Variants in PRICKLE3 observed in about 807,000 individuals in gnomAD.
The protein encoded by PRICKLE3 is LIM domain only protein 6.
PRICKLE3 carries 17 observed loss-of-function variants against 33.8 expected under a neutral mutation model. That is an observed-to-expected ratio of 0.50 (90% CI 0.34 to 0.75). The LOEUF is 0.75. Among genes scored for constraint, PRICKLE3 ranks in the 30% least tolerant of loss-of-function variants. The pLI, the probability that PRICKLE3 is intolerant of heterozygous loss-of-function variation, is 0.01. For missense variants in PRICKLE3, 573 were observed against 576.7 expected (o/e 0.99, Z 0.07); for synonymous variants, 211 against 219.6 (o/e 0.96, Z 0.34).
At chrX:49,176,485 A>C (rs1427433335) in intron 8 of PRICKLE3, among the ~76,000 whole-genome samples, 1 of 108,966 alleles carries the variant, frequency 9.2e-6, no homozygotes, top group Admixed American at 9.8e-5. Context: ...GCAAGATGGG[A>C]CTGGTGTGGG....
intron 7 of PRICKLE3, 91 bp from the exon 8 acceptor site, chrX:49,177,293 G>A: frequency 1.1e-6 from 1 of 946,436 alleles, no homozygotes; most frequent in Non-Finnish European, 1.4e-6. Context: ...AGAAGAGGTG[G>A]GGAATCCGAG....
intron 3 of PRICKLE3, among the ~76,000 whole-genome samples, chrX:49,182,601 G>A (rs1407887868): frequency 4.4e-5 from 5 of 112,423 alleles, no homozygotes; most frequent in African/African-American, 1.6e-4. Context: ...TGTCTGCATG[G>A]CTCACTTCTC....
chrX:49,179,198 C>A (rs1403476309), intron 5 of PRICKLE3, 53 bp downstream of exon 5: 1 of 1,181,511 alleles, frequency 8.5e-7, no homozygotes. Context: ...GTCCTGCTCC[C>A]CAGGGCTTGG....
Position 49,176,055 on chromosome X carries a change from G to A in PRICKLE3, c.1466C>T (p.Thr489Ile). The A allele has an allele frequency of 8.3e-7, 1 of 1,206,688 alleles. No homozygotes were observed. Among genetic ancestry groups the A allele is most frequent in the Non-Finnish European group, 1.1e-6 (1 of 893,278 alleles). ...PLVSEGGPRR[T>I]LSAPPAQRRR... ...GCGCTGGGCCGGGGGTGCACTCAGGGTCCGGCGCGGGCCTCCTTCAGACAC... is the reference window on the plus strand; with the variant it reads ...GCGCTGGGCCGGGGGTGCACTCAGGATCCGGCGCGGGCCTCCTTCAGACAC... The change falls in exon 9 of 9, where the codon ACC becomes ATC. Residue 489 changes from threonine (T) to isoleucine (I), a missense_variant. By Grantham distance (89) the Thr-to-Ile change is moderately conservative (BLOSUM62 -1). Transcript: ENST00000599218.
intron 5 of PRICKLE3, 87 bp downstream of exon 5, chrX:49,179,164 A>T (rs1334706172): frequency 9.1e-7 from 1 of 1,093,516 alleles, no homozygotes; most frequent in African/African-American, 1.8e-5. Flanking sequence ...GGCAGGCCTC[A>T]TCTTCCCAGT....
rs781891909 is a variant in PRICKLE3, at chrX:49,178,048, G to A, written c.900C>T (p.Cys300=). ...YVMRQSRPHC[C]ACYEARHAEY... is the part of the protein sequence containing the mutation. ...CCGCGTGGCGGGCCTCGTAGCAGGC[G>A]CAGCAGTGGGGGCGGCTCTGACGCA... The change falls in exon 7 of 9, where the codon TGC becomes TGT. Residue 300 remains cysteine, a synonymous_variant. Coordinates refer to ENST00000599218, the MANE Select transcript of PRICKLE3 (RefSeq NM_006150.5). The A allele has an allele frequency of 8.6e-6, 10 of 1,157,244 alleles. No individual in the cohort carries two copies. In the South Asian group the frequency reaches 1.4e-4, roughly 17 times the overall value.
At chrX:49,184,022 A>C in intron 2 of PRICKLE3, 105 bp from the exon 3 acceptor site, 3 of 994,012 alleles carry the variant, frequency 3.0e-6, no homozygotes, top group Non-Finnish European at 4.1e-6. Context: ...TATCACCACC[A>C]AAGGTCTGTG....
chrX:49,176,682 G>A (rs1557100088), intron 8 of PRICKLE3, among the ~76,000 whole-genome samples: 1 of 108,955 alleles, frequency 9.2e-6, no homozygotes, highest in East Asian at 2.9e-4. Context: ...GCCCTGTATT[G>A]ACAGGGTGGA....
chrX:49,179,324 C>A lies in PRICKLE3; in HGVS notation c.491G>T (p.Arg164Leu). The A allele has an allele frequency of 8.3e-7, 1 of 1,211,391 alleles. No individual in the cohort carries two copies. Among genetic ancestry groups the A allele is most frequent in the Non-Finnish European group, 1.1e-6 (1 of 895,295 alleles). The change falls in exon 5 of 9, where the codon CGG becomes CTG. Residue 164 changes from arginine (R) to leucine (L), a missense_variant. Physicochemically the swap from Arg to Leu is moderately radical, Grantham distance 102 (BLOSUM62 -2). Coordinates refer to ENST00000599218, the MANE Select transcript of PRICKLE3 (RefSeq NM_006150.5). ...KKELRAFSQQRKRENLGRGIV... is the reference protein window; with the variant it reads ...KKELRAFSQQLKRENLGRGIV... Reference sequence around the variant, plus strand: ...GCCACGCCCCAGATTCTCCCGCTTCCGCTGCTGGCTAAAGGCTCGGAGCTC... The same window carrying A: ...GCCACGCCCCAGATTCTCCCGCTTCAGCTGCTGGCTAAAGGCTCGGAGCTC...
In PRICKLE3 at chrX:49,178,000, C is replaced by A; in HGVS notation, c.948G>T (p.Glu316Asp). ...CCCACAGCATTCACCCACCGATGTGCTCCCCACAGCCATCACAGTACTCCG... is the reference window on the plus strand; with the variant it reads ...CCCACAGCATTCACCCACCGATGTGATCCCCACAGCCATCACAGTACTCCG... Reference protein sequence around the residue: ...RHAEYCDGCGEHIGLDQGQMA... With the variant: ...RHAEYCDGCGDHIGLDQGQMA... The change falls in exon 7 of 9, where the codon GAG becomes GAT. Residue 316 changes from glutamate (E) to aspartate (D), a missense_variant. Physicochemically the swap from Glu to Asp is conservative, Grantham distance 45 (BLOSUM62 2). Transcript: ENST00000599218. 8.7e-7 allele frequency: 1 copy of A among 1,144,285 alleles called. No individual in the cohort carries two copies. Among genetic ancestry groups the A allele is most frequent in the Non-Finnish European group, 1.2e-6 (1 of 862,425 alleles). The allele number at this position is 1,144,285 out of a possible 1,213,427, so 94.3% of individuals were successfully genotyped here.
intron 3 of PRICKLE3, among the ~76,000 whole-genome samples, chrX:49,180,442 C>T (rs2147873386): frequency 9.0e-6 from 1 of 111,496 alleles, no homozygotes; most frequent in South Asian, 3.8e-4. Context: ...CTACTTGAGG[C>T]AGGCTTCCGC....
intron 3 of PRICKLE3, 141 bp from the exon 4 acceptor site, chrX:49,179,947 C>G (rs935336683): frequency 3.2e-5 from 12 of 372,765 alleles, no homozygotes; most frequent in Non-Finnish European, 5.5e-5. Flanking sequence ...TTCCTAAAGG[C>G]GGATCATTTC....
Position 49,175,670 on chromosome X carries a change from C to A in PRICKLE3, c.*3G>T. On this transcript the variant is annotated 3_prime_UTR_variant, in exon 9 of 9. Coordinates refer to ENST00000599218, the MANE Select transcript of PRICKLE3 (RefSeq NM_006150.5). ...ATGGAGCCCCCTCCAGGACGGCCTGCCTTCAAGCCACGATGCAGTTCTTGT... is the reference window on the plus strand; with the variant it reads ...ATGGAGCCCCCTCCAGGACGGCCTGACTTCAAGCCACGATGCAGTTCTTGT... 8.3e-7 allele frequency: 1 copy of A among 1,205,137 alleles called. No homozygotes were observed. Among genetic ancestry groups the A allele is most frequent in the South Asian group, 1.8e-5 (1 of 56,251 alleles).
chrX:49,177,189 GC>G lies in PRICKLE3; in HGVS notation c.968del (p.Gly323AlafsTer37). On this transcript the variant is annotated frameshift_variant, in exon 8 of 9. Coordinates refer to ENST00000599218, the MANE Select transcript of PRICKLE3 (RefSeq NM_006150.5). LOFTEE classifies it high-confidence loss of function. ...AGTGCTGGCCCTCGTAAGCCATCTG[GC>G]CTTGGTCCAGGCCTGTGGGGAACGA... ...GCGEHIGLDQ[G>X]QMAYEGQHWH... The G allele has an allele frequency of 1.7e-6, 2 of 1,178,058 alleles. No individual in the cohort carries two copies. The highest frequency in any genetic ancestry group is 2.3e-6 in the Non-Finnish European group (2 of 882,437).
intron 3 of PRICKLE3, among the ~76,000 whole-genome samples, chrX:49,181,542 CGTATATGT>C (rs1358095046): frequency 9.0e-5 from 1 of 11,067 alleles, no homozygotes; most frequent in African/African-American, 4.7e-4. Flanking sequence ...TATATATATA[CGTATATGT>C]GTATATATAT....
chrX:49,181,013 C>T (rs1031451118), intron 3 of PRICKLE3, among the ~76,000 whole-genome samples: 3 of 110,084 alleles, frequency 2.7e-5, no homozygotes, highest in African/African-American at 9.9e-5. Flanking sequence ...TCTACCTATC[C>T]TCAGGGTCAT....
intron 7 of PRICKLE3, 52 bp from the exon 8 acceptor site, chrX:49,177,254 C>T: frequency 9.4e-7 from 1 of 1,063,634 alleles, no homozygotes. Flanking sequence ...CAGGCGTAAC[C>T]CCACCCCTCG....
intron 7 of PRICKLE3, among the ~76,000 whole-genome samples, chrX:49,177,626 G>T (rs1462266518): frequency 9.0e-6 from 1 of 111,718 alleles, no homozygotes; most frequent in Non-Finnish European, 1.9e-5. Context: ...AGGATAGGGT[G>T]TAGCTAGAAG....
intron 1 of PRICKLE3, among the ~76,000 whole-genome samples, chrX:49,185,220 A>C (rs1267771121): frequency 9.0e-6 from 1 of 110,916 alleles, no homozygotes; most frequent in African/African-American, 3.3e-5. Flanking sequence ...CTCTCTTCAG[A>C]AGCTCAGGAG....
Sources: gnomAD v4.1 joint callset for allele counts (sites outside exome capture counted in the v4.1 genomes callset) on GRCh38, gnomAD v4.1.1 for gene constraint, MANE v1.5 for transcripts, NCBI Gene and HGNC (gene_info 2026-07-23, HGNC 2026-07-21) for gene names.